Variants in MIB1 observed in about 807,000 individuals in gnomAD.
MIB1 encodes the protein MIB E3 ubiquitin protein ligase 1, also known as E3 ubiquitin-protein ligase MIB1.
A neutral mutation model predicts 124.5 loss-of-function variants in MIB1; 278 were observed. The observed-to-expected ratio is 2.23, with a 90% CI of 2.02 to 2.47. The LOEUF (loss-of-function observed/expected upper bound fraction) is 2.47, where lower values mean the gene tolerates loss of function less well. Among genes scored for constraint, MIB1 ranks in the 30% most tolerant of loss-of-function variants. The pLI is 0.00. For missense variants in MIB1, 957 were observed against 1,254.4 expected (o/e 0.76, Z 3.58); for synonymous variants, 446 against 429.4 (o/e 1.04, Z -0.48).
chr18:21,844,354 A>G lies in MIB1; in HGVS notation c.2211+101A>G, dbSNP rs565013825. The G allele has an allele frequency of 4.9e-6, 6 of 1,226,374 alleles. No homozygotes were observed. In the East Asian group the frequency reaches 1.0e-4, roughly 21 times the overall value. The allele number at this position is 1,226,374 out of a possible 1,614,324, so 76.0% of individuals were successfully genotyped here. On this transcript the variant is annotated intron_variant, in intron 15 of 20. Coordinates refer to ENST00000261537, the MANE Select transcript of MIB1 (RefSeq NM_020774.4). ...TAACCTGTATTGGATAAAATATTTT[A>G]TCAGAGCTATGTACTTAGAAACTTA... is the stretch of plus-strand genomic sequence containing the variant.
At chr18:21,740,045 G>A (rs2040827341), upstream of MIB1, among the ~76,000 whole-genome samples, 1 of 152,044 alleles carries the variant, frequency 6.6e-6, no homozygotes, top group Non-Finnish European at 1.5e-5. Context: ...CATTCTGTTA[G>A]CATTTCCCTC....
upstream of MIB1, among the ~76,000 whole-genome samples, chr18:21,735,895 AC>A (rs956840481): frequency 6.6e-6 from 1 of 151,556 alleles, no homozygotes; most frequent in Non-Finnish European, 1.5e-5. Flanking sequence ...TATAGATAAA[AC>A]CCCCACCTCC....
Position 21,793,207 on chromosome 18 carries a change from C to T in MIB1, c.1092+1650C>T, listed in dbSNP as rs149462708. Among the ~76,000 whole-genome samples, 1,476 of 152,252 alleles carry T rather than the reference C, an allele frequency of 9.7e-3. 20 individuals are homozygous for T. The highest frequency in any genetic ancestry group is 0.034 in the African/African-American group (1,402 of 41,542). ...GAACCTGAGAGAGTTCCTGAAGACT[C>T]CAGTTTGGGATGAGAAAATAGGTCC... On this transcript the variant is annotated intron_variant, in intron 7 of 20. Coordinates refer to ENST00000261537, the MANE Select transcript of MIB1 (RefSeq NM_020774.4).
chr18:21,748,932 A>C (rs1040249418), intron 1 of MIB1, among the ~76,000 whole-genome samples: 2 of 151,156 alleles, frequency 1.3e-5, no homozygotes, highest in African/African-American at 4.9e-5. Context: ...CTTAGAGTTG[A>C]GGTCTTGCTG....
chr18:21,848,889 C>G (rs1368535587), intron 16 of MIB1, among the ~76,000 whole-genome samples: 4 of 151,944 alleles, frequency 2.6e-5, no homozygotes, highest in Middle Eastern at 3.4e-3. Context: ...AGGTTCTGAG[C>G]AAAATTTTGT....
chr18:21,781,365 T>TTATATATATA (rs57641355), intron 6 of MIB1, among the ~76,000 whole-genome samples: 71 of 67,210 alleles, frequency 1.1e-3, no homozygotes, highest in Non-Finnish European at 1.7e-3. Flanking sequence ...TCTGTTCAAG[T>TTATATATATA]TATATATATA....
intron 10 of MIB1, among the ~76,000 whole-genome samples, chr18:21,808,459 G>A (rs562011127): frequency 6.6e-6 from 1 of 152,214 alleles, no homozygotes; most frequent in African/African-American, 2.4e-5. Context: ...TTTACTTTCT[G>A]GCCCTTCACA....
At chr18:21,736,182 C>T (rs1598583694), upstream of MIB1, among the ~76,000 whole-genome samples, 1 of 152,230 alleles carries the variant, frequency 6.6e-6, no homozygotes, top group Admixed American at 6.5e-5. Flanking sequence ...GAGGAAGGAA[C>T]AGACAGCAAT....
intron 1 of MIB1, among the ~76,000 whole-genome samples, chr18:21,759,254 T>TA (rs2041070081): frequency 6.6e-6 from 1 of 151,454 alleles, no homozygotes; most frequent in Non-Finnish European, 1.5e-5. Context: ...TATATATATA[T>TA]TTTTTTGAGA....
chr18:21,863,955 G>A (rs964835427), intron 20 of MIB1, among the ~76,000 whole-genome samples: 6 of 152,030 alleles, frequency 3.9e-5, no homozygotes, highest in African/African-American at 1.2e-4. Context: ...GCAGTGAGCC[G>A]AGATTGCGCC....
chr18:21,727,285 C>A (rs974756169), intron 1 of MIB1, among the ~76,000 whole-genome samples: 1 of 152,060 alleles, frequency 6.6e-6, no homozygotes, highest in Non-Finnish European at 1.5e-5. Context: ...AGGCATGCAC[C>A]ACCACACCTG....
At chr18:21,827,642 T>C (rs1012445014) in intron 12 of MIB1, 2 of 152,074 alleles carry the variant, frequency 1.3e-5, no homozygotes, top group Admixed American at 1.3e-4. Context: ...GGGCTATGCT[T>C]ATGTGAGTTA....
At chr18:21,813,649 G>A (rs1024824364) in intron 10 of MIB1, among the ~76,000 whole-genome samples, 1 of 152,042 alleles carries the variant, frequency 6.6e-6, no homozygotes, top group Admixed American at 6.5e-5. Context: ...GAGAAAATAC[G>A]CAAAGACCAA....
chr18:21,713,273 TAAATTAAATTTCCAG>T (rs201665995), intron 1 of MIB1, among the ~76,000 whole-genome samples: 91,399 of 151,568 alleles, frequency 0.6, 30,359 homozygotes, highest in African/African-American at 0.9. Context: ...CCATCTGGAA[TAAATTAAATTTCCAG>T]ATGGAAAATA....
At chr18:21,735,634 C>G (rs1278277109) in intron 1 of MIB1, among the ~76,000 whole-genome samples, 1 of 152,252 alleles carries the variant, frequency 6.6e-6, no homozygotes. Context: ...GCTTGAAATT[C>G]TCGCTGCTAG....
intron 12 of MIB1, among the ~76,000 whole-genome samples, chr18:21,831,677 C>G (rs1437019045): frequency 6.6e-6 from 1 of 151,776 alleles, no homozygotes; most frequent in Non-Finnish European, 1.5e-5. Context: ...GGGGTAAGCA[C>G]TGCCAAATAA....
chr18:21,861,073 G>A (rs77895968), intron 20 of MIB1, among the ~76,000 whole-genome samples: 1,530 of 152,102 alleles, frequency 0.01, 13 homozygotes, highest in Middle Eastern at 0.017. Context: ...TTGAATGTAT[G>A]AATTTATTAG....
chr18:21,848,662 G>C (rs1203421814), intron 16 of MIB1, among the ~76,000 whole-genome samples: 1 of 152,126 alleles, frequency 6.6e-6, no homozygotes, highest in African/African-American at 2.4e-5. Context: ...GTTTACGGAT[G>C]CAGTCTATCT....
At chr18:21,814,619 C>T (rs907809445) in intron 10 of MIB1, among the ~76,000 whole-genome samples, 3 of 151,930 alleles carry the variant, frequency 2.0e-5, no homozygotes, top group African/African-American at 7.3e-5. Context: ...GTCGCTCAGG[C>T]TTGGAGTGCA....
Sources: gnomAD v4.1 joint callset for allele counts (sites outside exome capture counted in the v4.1 genomes callset) on GRCh38, gnomAD v4.1.1 for gene constraint, MANE v1.5 for transcripts, NCBI Gene and HGNC (gene_info 2026-07-23, HGNC 2026-07-21) for gene names.